Variants in TNFAIP2 observed in about 807,000 individuals in gnomAD.
TNFAIP2 encodes the protein tumor necrosis factor alpha-induced protein 2.
TNFAIP2 carries 47 observed loss-of-function variants against 63.5 expected under a neutral mutation model. That is an observed-to-expected ratio of 0.74 (90% CI 0.59 to 0.94). The LOEUF (loss-of-function observed/expected upper bound fraction) is 0.94. Among genes scored for constraint, TNFAIP2 ranks in the 40% least tolerant of loss-of-function variants. TNFAIP2 has a pLI of 0.00. For synonymous variants in TNFAIP2, 405 were observed against 390.2 expected (o/e 1.04, Z -0.45); for missense variants, 787 against 850.2 (o/e 0.93, Z 0.92).
intron 11 of TNFAIP2, 68 bp downstream of exon 11, chr14:103,133,871 T>A: frequency 2.0e-6 from 3 of 1,517,042 alleles, no homozygotes; most frequent in Non-Finnish European, 2.6e-6. Context: ...GGGCTGGCAT[T>A]GGGAACCCAG....
At chr14:103,121,896 G>C (rs897700789), upstream of TNFAIP2, among the ~76,000 whole-genome samples, 6 of 151,534 alleles carry the variant, frequency 4.0e-5, no homozygotes. Flanking sequence ...TGAGGGGGTG[G>C]GGTGGGGGAA....
Position 103,127,119 on chromosome 14 carries a change from AGC to A in TNFAIP2, c.351_352del (p.Glu117AspfsTer171), listed in dbSNP as rs1463260468. 2 of 1,099,500 alleles carry A rather than the reference AGC, an allele frequency of 1.8e-6. No individual in the cohort carries two copies. Among genetic ancestry groups the A allele is most frequent in the Non-Finnish European group, 2.2e-6 (2 of 903,450 alleles). 68.1% of individuals were successfully genotyped at this position (1,099,500 alleles called of 1,614,324 possible). A position where few individuals can be genotyped will look rare whatever the true frequency, so the allele number is the denominator to read the frequency against. ...GCGGCGGGCGGTGTGAGCGAGGAGG[AGC>A]TGGTGCGGCGCCAGAGCAAGGTGGA... On this transcript the variant is annotated frameshift_variant, in exon 3 of 12. Transcript: ENST00000560869. LOFTEE classifies it high-confidence loss of function. This position sits in a 1 kb window ranked among gnomAD's most constrained non-coding sequence, Gnocchi z 5.1.
rs1244480962 is a variant in TNFAIP2 at position 103,126,520 on chromosome 14, G to A, written c.63G>A (p.Arg21=). The A allele has an allele frequency of 2.5e-6, 4 of 1,588,528 alleles. No homozygotes were observed. The highest frequency in any genetic ancestry group is 2.7e-5 in the African/African-American group (2 of 74,370). ...TGGAGGCTGGGGCAGCCCCATATAG[G>A]GAGGAGGAAGAGGCGGCGAAGAAGA... The part of the protein sequence containing the change: ...PPLEAGAAPY[R]EEEEAAKKKK... The change falls in exon 2 of 12, where the codon AGG becomes AGA. Residue 21 remains arginine (R), a synonymous_variant. Coordinates refer to ENST00000560869, the MANE Select transcript of TNFAIP2 (RefSeq NM_006291.4).
At chr14:103,133,889 C>A in intron 11 of TNFAIP2, 86 bp downstream of exon 11, 1 of 1,476,072 alleles carries the variant, frequency 6.8e-7, no homozygotes, top group Non-Finnish European at 9.0e-7. Context: ...CAGATCCTGG[C>A]AGCTGCCCAC....
Position 103,136,127 on chromosome 14 carries a change from C to G in TNFAIP2, c.*767C>G. On this transcript the variant is annotated 3_prime_UTR_variant, in exon 12 of 12. Coordinates refer to ENST00000560869, the MANE Select transcript of TNFAIP2 (RefSeq NM_006291.4). ...GGCTCCCCCTTCCCCAAGGCAGGGACAGGCCCTGGGGGTGCCACCGTGGGC... is the reference window on the plus strand; with the variant it reads ...GGCTCCCCCTTCCCCAAGGCAGGGAGAGGCCCTGGGGGTGCCACCGTGGGC... 1.0e-6 allele frequency: 1 copy of G among 952,536 alleles called. No individual in the cohort carries two copies. The highest frequency in any genetic ancestry group is 1.4e-6 in the Non-Finnish European group (1 of 725,062). The allele number at this position is 952,536 out of a possible 1,614,324, so 59.0% of individuals were successfully genotyped here.
At chr14:103,125,443 G>A (rs1480750190) in intron 1 of TNFAIP2, among the ~76,000 whole-genome samples, 1 of 152,200 alleles carries the variant, frequency 6.6e-6, no homozygotes, top group Non-Finnish European at 1.5e-5. Flanking sequence ...CCAAGCTATT[G>A]ACTATAGGGA....
At position 103,126,690 on chromosome 14, in the gene TNFAIP2, C is replaced by G. The variant is rs773990532; in HGVS notation, c.233C>G (p.Thr78Arg). ...CAGGGGCTGGATGGCCCGCCCCCCA[C>G]AGGTGCTCTAGGACCCTGGGTTAGA... The part of the protein sequence containing the change: ...SRQGLDGPPP[T>R]VEELKAALER... The change falls in exon 2 of 12, where the codon ACA becomes AGA. Residue 78 changes from threonine (T) to arginine (R), a missense_variant and splice_region_variant. Thr to Arg is a moderately conservative substitution (Grantham distance 71). Coordinates refer to ENST00000560869, the MANE Select transcript of TNFAIP2 (RefSeq NM_006291.4). The G allele has an allele frequency of 1.3e-5, 21 of 1,558,676 alleles. No homozygotes were observed. The highest frequency in any genetic ancestry group is 1.8e-5 in the Non-Finnish European group (21 of 1,151,000).
Position 103,126,663 on chromosome 14 carries a change from G to C in TNFAIP2, c.206G>C (p.Arg69Thr). ...GAGCCCGAGGACGCAGCCGGGTCCA[G>C]GCAGGGGCTGGATGGCCCGCCCCCC... is the stretch of plus-strand genomic sequence containing the variant. Reference protein sequence around the residue: ...SAEPEDAAGSRQGLDGPPPTV... With the variant: ...SAEPEDAAGSTQGLDGPPPTV... Residue 69 changes from arginine (R) to threonine (T), a missense_variant, in exon 2 of 12, where the codon AGG becomes ACG. By Grantham distance (71) the Arg-to-Thr change is moderately conservative (BLOSUM62 -1). Transcript: ENST00000560869. 1 of 1,556,884 alleles carries C rather than the reference G, an allele frequency of 6.4e-7. No homozygotes were observed. Among genetic ancestry groups the C allele is most frequent in the Non-Finnish European group, 8.7e-7 (1 of 1,150,012 alleles).
intron 11 of TNFAIP2, 83 bp downstream of exon 11, chr14:103,133,886 TGGCAGCTGC>T: frequency 4.0e-6 from 6 of 1,488,764 alleles, no homozygotes; most frequent in Non-Finnish European, 5.3e-6. Context: ...ACCCAGATCC[TGGCAGCTGC>T]CCACGTGCCA....
At chr14:103,123,144 G>A, upstream of TNFAIP2, 1 of 240,270 alleles carries the variant, frequency 4.2e-6, no homozygotes, top group South Asian at 3.8e-5. Context: ...CCTATCAGGA[G>A]CCGTCGTCGG....
chr14:103,128,140 G>T (rs1026202773), intron 3 of TNFAIP2, among the ~76,000 whole-genome samples: 1 of 152,198 alleles, frequency 6.6e-6, no homozygotes, highest in Non-Finnish European at 1.5e-5. Context: ...AGGAGGAGGG[G>T]TGATAGGGCA....
chr14:103,123,004 C>T, upstream of TNFAIP2: 2 of 348,276 alleles, frequency 5.7e-6, no homozygotes, highest in Non-Finnish European at 1.1e-5. Context: ...CGTCCCCTGC[C>T]TCCTTGTGGC....
intron 9 of TNFAIP2, 119 bp from the exon 10 acceptor site, chr14:103,133,243 T>G: frequency 2.3e-6 from 3 of 1,284,486 alleles, no homozygotes; most frequent in Non-Finnish European, 2.1e-6. Context: ...CGAGCACGTG[T>G]GCAGTCTTTT....
upstream of TNFAIP2, among the ~76,000 whole-genome samples, chr14:103,121,536 G>A (rs1891102359): frequency 6.6e-6 from 1 of 152,260 alleles, no homozygotes; most frequent in South Asian, 2.1e-4. Context: ...CCCATTGGCT[G>A]TCATCCCTTG....
chr14:103,131,626 C>T lies in TNFAIP2; in HGVS notation c.1299-13C>T, dbSNP rs2087975193. On this transcript the variant is annotated splice_polypyrimidine_tract_variant and intron_variant, in intron 7 of 11. Transcript: ENST00000560869. This position sits in a 1 kb window ranked among gnomAD's most constrained non-coding sequence, Gnocchi z 4.0. Reference sequence around the variant, plus strand: ...AGCAGGGCTGGGGTGACCTCTCTGCCTCCACCTTCCAGGATGTCCATGGAG... The same window carrying T: ...AGCAGGGCTGGGGTGACCTCTCTGCTTCCACCTTCCAGGATGTCCATGGAG... 6.3e-7 allele frequency: 1 copy of T among 1,584,158 alleles called. No homozygotes were observed. Among genetic ancestry groups the T allele is most frequent in the African/African-American group, 1.3e-5 (1 of 74,520 alleles).
At position 103,132,882 on chromosome 14, in the gene TNFAIP2, C is replaced by A. The variant is rs774990554; in HGVS notation, c.1545+10C>A. ...GGGCTGTTTCCGGGAGGTGAGGAGG[C>A]TCTGGGCTGGTGGCTGGGTCTTGGG... On this transcript the variant is annotated intron_variant, in intron 9 of 11. Coordinates refer to ENST00000560869, the MANE Select transcript of TNFAIP2 (RefSeq NM_006291.4). 7 of 1,613,502 alleles carry A rather than the reference C, an allele frequency of 4.3e-6. No homozygotes were observed. The highest frequency in any genetic ancestry group is 5.9e-6 in the Non-Finnish European group (7 of 1,179,802).
upstream of TNFAIP2, among the ~76,000 whole-genome samples, chr14:103,121,668 G>A (rs1891107171): frequency 6.6e-6 from 1 of 152,218 alleles, no homozygotes; most frequent in African/African-American, 2.4e-5. Context: ...ACAAGTCCAA[G>A]GCAGCAGCCT....
rs2087871021 is a variant in TNFAIP2, at chr14:103,127,081, G to A, written c.312G>A (p.Leu104=). The A allele has an allele frequency of 9.4e-7, 1 of 1,060,930 alleles. No homozygotes were observed. Among genetic ancestry groups the A allele is most frequent in the Non-Finnish European group, 1.1e-6 (1 of 881,774 alleles). 65.7% of individuals were successfully genotyped at this position (1,060,930 alleles called of 1,614,324 possible). A position where few individuals can be genotyped will look rare whatever the true frequency, so the allele number is the denominator to read the frequency against. The change falls in exon 3 of 12, where the codon CTG becomes CTA. Residue 104 remains leucine, a synonymous_variant. Transcript: ENST00000560869. This position sits in a 1 kb window ranked among gnomAD's most constrained non-coding sequence, Gnocchi z 5.1. ...CGCTGCTGGCGCTGGAGCGGGAGCT[G>A]GCGGCGGCGGCGGCGGCGGGCGGTG... ...ARPLLALERE[L]AAAAAAGGVS...
In TNFAIP2 at chr14:103,135,369, G is replaced by A; in HGVS notation, c.*9G>A. 6.3e-7 allele frequency: 1 copy of A among 1,596,074 alleles called. No homozygotes were observed. The highest frequency in any genetic ancestry group is 1.1e-5 in the South Asian group (1 of 87,832). Reference sequence around the variant, plus strand: ...TTATAAAGGTTGGTTAGCTTTTCCTGTGGCCTGACCTGCCTGTGAGTGCCC... The same window carrying A: ...TTATAAAGGTTGGTTAGCTTTTCCTATGGCCTGACCTGCCTGTGAGTGCCC... On this transcript the variant is annotated 3_prime_UTR_variant, in exon 12 of 12. Transcript: ENST00000560869. This position sits in a 1 kb window ranked among gnomAD's most constrained non-coding sequence, Gnocchi z 7.6.
Sources: gnomAD v4.1 joint callset for allele counts (sites outside exome capture counted in the v4.1 genomes callset) on GRCh38, gnomAD v4.1.1 for gene constraint, Gnocchi (gnomAD v3.1) non-coding constraint, MANE v1.5 for transcripts, NCBI Gene and HGNC (gene_info 2026-07-23, HGNC 2026-07-21) for gene names.